The following SYNE3 variants were observed in gnomAD, a reference collection of about 807,000 sequenced individuals.
SYNE3 encodes nesprin-3.
A neutral mutation model predicts 111.2 loss-of-function variants in SYNE3; 100 were observed. The observed-to-expected ratio is 0.90, with a 90% CI of 0.77 to 1.06. SYNE3 has a LOEUF of 1.06. SYNE3 is among the 50% of genes least tolerant of loss of function. SYNE3 has a pLI of 0.00. For synonymous variants in SYNE3, 547 were observed against 533.9 expected (o/e 1.02, Z -0.34); for missense variants, 1,160 against 1,240.3 (o/e 0.94, Z 0.97).
rs1465861459 is a variant in SYNE3 at position 95,449,929 on chromosome 14, A to T, written c.1449+2T>A. The T allele has an allele frequency of 1.3e-6, 2 of 1,550,486 alleles. No individual in the cohort carries two copies. The highest frequency in any genetic ancestry group is 2.4e-5 in the East Asian group (1 of 41,012). On this transcript the variant is annotated splice_donor_variant, in intron 8 of 17. Transcript: ENST00000682763. LOFTEE classifies it high-confidence loss of function. The stretch of plus-strand genomic sequence containing the variant: ...CCACCCAGTTGGCAGGACCACGGTT[A>T]CCTCGATCTGGGGCAGGAAGGTGTG...
In SYNE3 at chr14:95,467,997, G is replaced by A. The variant is rs1372379517; in HGVS notation, c.145-30C>T. 1.2e-5 allele frequency: 19 copies of A among 1,590,822 alleles called. No individual in the cohort carries two copies. The African/African-American group carries it at 1.8e-4, about 15-fold the overall frequency. On this transcript the variant is annotated intron_variant, in intron 2 of 17. Transcript: ENST00000682763. ...TGTGGACACACAAGCCAGTTTCCAGGGTTGGCAAAAGGCAGACAGGCACAA... is the reference window on the plus strand; with the variant it reads ...TGTGGACACACAAGCCAGTTTCCAGAGTTGGCAAAAGGCAGACAGGCACAA...
intron 1 of SYNE3, among the ~76,000 whole-genome samples, chr14:95,499,216 G>C (rs1405445687): frequency 1.3e-5 from 2 of 152,182 alleles, no homozygotes; most frequent in African/African-American, 4.8e-5. Context: ...GAGGCAGGGG[G>C]ACCAGAGTCC....
At chr14:95,422,187 G>A (rs966431020) in intron 17 of SYNE3, among the ~76,000 whole-genome samples, 7 of 151,994 alleles carry the variant, frequency 4.6e-5, no homozygotes, top group Middle Eastern at 3.4e-3. Context: ...ACTGAGACAT[G>A]GGCCACCTGC....
At chr14:95,440,130 C>A (rs1450362895) in intron 11 of SYNE3, 55 bp from the exon 12 acceptor site, 2 of 1,526,620 alleles carry the variant, frequency 1.3e-6, no homozygotes, top group East Asian at 2.3e-5. Flanking sequence ...GAGGGGGAGA[C>A]CCCCGCACCA....
chr14:95,459,680 A>C (rs1450293015), intron 4 of SYNE3, among the ~76,000 whole-genome samples: 1 of 152,130 alleles, frequency 6.6e-6, no homozygotes, highest in Non-Finnish European at 1.5e-5. Context: ...GAAGCTCCTC[A>C]CCGAATCTAG....
intron 1 of SYNE3, among the ~76,000 whole-genome samples, chr14:95,506,035 G>A (rs1457559257): frequency 6.6e-6 from 1 of 152,136 alleles, no homozygotes; most frequent in Non-Finnish European, 1.5e-5. Flanking sequence ...TTATGAGAAG[G>A]CCATATAATC....
chr14:95,482,743 G>A (rs764354432), intron 1 of SYNE3, among the ~76,000 whole-genome samples: 7 of 152,282 alleles, frequency 4.6e-5, no homozygotes, highest in South Asian at 2.1e-4. Flanking sequence ...ACATTTACCC[G>A]GTGTTCTGCA....
intron 1 of SYNE3, among the ~76,000 whole-genome samples, chr14:95,508,342 C>A (rs929659870): frequency 6.6e-6 from 1 of 152,168 alleles, no homozygotes; most frequent in Non-Finnish European, 1.5e-5. Context: ...AGATGGCACC[C>A]AATGGACTCC....
intron 1 of SYNE3, among the ~76,000 whole-genome samples, chr14:95,490,845 C>T (rs1889815192): frequency 6.6e-6 from 1 of 152,248 alleles, no homozygotes; most frequent in Admixed American, 6.5e-5. Context: ...CTCACACCTG[C>T]AGGCTGTGGC....
chr14:95,507,535 G>A (rs1475974302), intron 1 of SYNE3, among the ~76,000 whole-genome samples: 1 of 152,206 alleles, frequency 6.6e-6, no homozygotes, highest in African/African-American at 2.4e-5. Context: ...GCGGCCAGGA[G>A]AGCCTGGCCT....
At chr14:95,469,079 C>T (rs1287729354) in intron 2 of SYNE3, among the ~76,000 whole-genome samples, 2 of 152,160 alleles carry the variant, frequency 1.3e-5, no homozygotes, top group African/African-American at 4.8e-5. Context: ...ACTACCTGCT[C>T]ACTATTATTA....
chr14:95,512,739 T>G (rs1422015927), intron 1 of SYNE3, among the ~76,000 whole-genome samples: 1 of 151,036 alleles, frequency 6.6e-6, no homozygotes, highest in Non-Finnish European at 1.5e-5. Context: ...GCGCCTGTAG[T>G]CCCAGCTACT....
chr14:95,439,716 C>T lies in SYNE3; in HGVS notation c.2142G>A (p.Val714=). ...LSLVEAQGWL[V]MEKSSPEGAA... Reference sequence around the variant, plus strand: ...CACCCTCCGGAGAAGACTTCTCCATCACCAGCCAGCCCTGCGCTTCCACCA... The same window carrying T: ...CACCCTCCGGAGAAGACTTCTCCATTACCAGCCAGCCCTGCGCTTCCACCA... Residue 714 remains valine (V), a synonymous_variant, in exon 13 of 18, where the codon GTG becomes GTA. Transcript: ENST00000682763. 6.2e-7 allele frequency: 1 copy of T among 1,614,196 alleles called. No homozygotes were observed.
At chr14:95,433,539 A>G in intron 15 of SYNE3, 130 bp from the exon 16 acceptor site, 2 of 1,284,336 alleles carry the variant, frequency 1.6e-6, no homozygotes, top group Non-Finnish European at 2.1e-6. Flanking sequence ...CAGAATCCAT[A>G]AAGTGGGACT....
At chr14:95,475,859 G>A (rs967925362) in intron 1 of SYNE3, 24 bp from the exon 2 acceptor site, 1 of 1,463,868 alleles carries the variant, frequency 6.8e-7, no homozygotes, top group Non-Finnish European at 9.1e-7. Flanking sequence ...CACAGATAAG[G>A]CCAACAGGCA....
chr14:95,446,133 A>C, intron 8 of SYNE3, 42 bp from the exon 9 acceptor site: 2 of 1,607,754 alleles, frequency 1.2e-6, no homozygotes, highest in Non-Finnish European at 1.7e-6. Flanking sequence ...ACCGGGCAGG[A>C]CACAGCTCAG....
At chr14:95,512,653 C>A (rs1890763507) in intron 1 of SYNE3, among the ~76,000 whole-genome samples, 1 of 151,596 alleles carries the variant, frequency 6.6e-6, no homozygotes, top group Non-Finnish European at 1.5e-5. Context: ...GAGATCAAGA[C>A]CATCCTGGCT....
In SYNE3 at chr14:95,455,606, TC is replaced by T. The variant is rs757756555; in HGVS notation, c.907del (p.Glu303LysfsTer3). 35 of 1,614,028 alleles carry T rather than the reference TC, an allele frequency of 2.2e-5. No homozygotes were observed. The highest frequency in any genetic ancestry group is 2.9e-5 in the Non-Finnish European group (34 of 1,180,032). On this transcript the variant is annotated frameshift_variant, in exon 6 of 18. Coordinates refer to ENST00000682763, the MANE Select transcript of SYNE3 (RefSeq NM_152592.6). LOFTEE classifies it high-confidence loss of function. ...LGAEKITGELEEMRKVLEKLR... is the reference protein window; with the variant it reads ...LGAEKITGELXEMRKVLEKLR... ...CTTCTCCAGAACTTTCCTCATCTCT[TC>T]CAGTTCTCCGGTGATCTTCTCTGCA...
chr14:95,414,849 A>T lies in SYNE3; in HGVS notation c.*2977T>A, dbSNP rs1450288696. 6.6e-6 allele frequency: 1 copy of T among 152,200 alleles called. No homozygotes were observed. Among genetic ancestry groups the T allele is most frequent in the East Asian group, 1.9e-4 (1 of 5,204 alleles). The allele number at this position is 152,200 out of a possible 1,614,324, so 9.4% of individuals were successfully genotyped here. A position where few individuals can be genotyped will look rare whatever the true frequency, so the allele number is the denominator to read the frequency against. On this transcript the variant is annotated 3_prime_UTR_variant, in exon 18 of 18. Coordinates refer to ENST00000682763, the MANE Select transcript of SYNE3 (RefSeq NM_152592.6). Reference sequence around the variant, plus strand: ...CTCTCCTTTAAGCAAAGGAGATTGCACTTGTGCTTGGAAGCACCAGTAACT... The same window carrying T: ...CTCTCCTTTAAGCAAAGGAGATTGCTCTTGTGCTTGGAAGCACCAGTAACT...
Sources: allele counts gnomAD v4.1 joint callset (sites outside exome capture counted in the v4.1 genomes callset), GRCh38; gene constraint gnomAD v4.1.1; transcripts MANE v1.5; gene names NCBI Gene and HGNC (gene_info 2026-07-23, HGNC 2026-07-21).